TASOR: variants seen among roughly 807,000 people sequenced by gnomAD.
The protein encoded by TASOR is transcription activation suppressor, also known as protein TASOR.
TASOR carries 53 observed loss-of-function variants against 178.6 expected under a neutral mutation model. The ratio of observed to expected loss-of-function variants is 0.30; its 90% CI spans 0.24 to 0.37. The LOEUF is 0.37. Among genes scored for constraint, TASOR ranks in the 10% least tolerant of loss-of-function variants. The pLI, the probability that TASOR is intolerant of heterozygous loss-of-function variation, is 1.00. For missense variants in TASOR, 1,815 were observed against 1,971.4 expected, an observed-to-expected ratio of 0.92 and a Z score of 1.50; for synonymous variants, 713 against 696.2, an observed-to-expected ratio of 1.02 and a Z score of -0.38.
chr3:56,640,268 C>T (rs978393410), intron 15 of TASOR, 138 bp from the exon 16 acceptor site: 9 of 706,230 alleles, frequency 1.3e-5, no homozygotes, highest in Non-Finnish European at 2.1e-5. Context: ...TAAAGTTATA[C>T]TCTAGTTTCA....
chr3:56,623,595 C>G, intron 23 of TASOR, 29 bp from the exon 24 acceptor site: 1 of 1,550,136 alleles, frequency 6.5e-7, no homozygotes, highest in Non-Finnish European at 8.6e-7. Context: ...AAGTCCTCCT[C>G]TATTGAAATA....
intron 5 of TASOR, 57 bp from the exon 6 acceptor site, chr3:56,668,615 C>T: frequency 8.4e-7 from 1 of 1,185,466 alleles, no homozygotes; most frequent in Non-Finnish European, 1.2e-6. Context: ...GACTATATAA[C>T]ATTAATATTA....
chr3:56,675,157 A>T, intron 1 of TASOR, among the ~76,000 whole-genome samples: 1 of 144,898 alleles, frequency 6.9e-6, no homozygotes, highest in African/African-American at 2.6e-5. Context: ...CACATCCCCA[A>T]CCATTCTACA....
chr3:56,628,864 C>T, intron 18 of TASOR: 1 of 257,664 alleles, frequency 3.9e-6, no homozygotes, highest in Non-Finnish European at 7.3e-6. Context: ...AGGCTCAAGC[C>T]ACCCTCCCAC....
chr3:56,668,489 A>C lies in TASOR; in HGVS notation c.805T>G (p.Leu269Val). 6.4e-7 allele frequency: 1 copy of C among 1,551,646 alleles called. No individual in the cohort carries two copies. The highest frequency in any genetic ancestry group is 8.7e-7 in the Non-Finnish European group (1 of 1,146,928). ...CATTCATGCTTTGGTGTGGGGTCCA[A>C]AGCACTCTTATTTAACATAGATTCC... ...SLESMLNKSALDPTPKHECHV... is the reference protein window; with the variant it reads ...SLESMLNKSAVDPTPKHECHV... Residue 269 changes from leucine to valine, a missense_variant, in exon 6 of 24, where the codon TTG (leucine) becomes GTG (valine). Around this residue, in one of 5 missense-constraint regions of TASOR, gnomAD observed 504 missense variants for 645.3 expected, o/e 0.78. Coordinates refer to ENST00000683822, the MANE Select transcript of TASOR (RefSeq NM_001365635.2).
At chr3:56,678,837 C>G (rs1332596624) in intron 1 of TASOR, among the ~76,000 whole-genome samples, 1 of 151,666 alleles carries the variant, frequency 6.6e-6, no homozygotes, top group Non-Finnish European at 1.5e-5. Context: ...ATGGCAAAAT[C>G]CCACCTCTAA....
At chr3:56,676,772 TAA>T (rs1185427882) in intron 1 of TASOR, among the ~76,000 whole-genome samples, 1 of 152,190 alleles carries the variant, frequency 6.6e-6, no homozygotes, top group Non-Finnish European at 1.5e-5. Context: ...TGAATCTGCA[TAA>T]AAGTTCACAT....
chr3:56,638,669 G>A (rs762668994), intron 17 of TASOR, 37 bp downstream of exon 17: 72 of 1,609,332 alleles, frequency 4.5e-5, no homozygotes, highest in Non-Finnish European at 6.0e-5. Flanking sequence ...TCTGAAGAAG[G>A]GCACACTGGG....
intron 11 of TASOR, among the ~76,000 whole-genome samples, chr3:56,657,222 G>A (rs992016486): frequency 3.3e-5 from 5 of 151,450 alleles, no homozygotes; most frequent in Non-Finnish European, 5.9e-5. Context: ...CAGCTACTCC[G>A]GAGACTGAGG....
intron 19 of TASOR, among the ~76,000 whole-genome samples, chr3:56,628,076 A>G (rs1432034947): frequency 6.6e-6 from 1 of 152,222 alleles, no homozygotes; most frequent in Non-Finnish European, 1.5e-5. Context: ...ACAGTCAATC[A>G]GGAAAGACGT....
chr3:56,646,760 T>A lies in TASOR; in HGVS notation c.1977A>T (p.Arg659Ser). 6.2e-7 allele frequency: 1 copy of A among 1,613,922 alleles called. No homozygotes were observed. The highest frequency in any genetic ancestry group is 8.5e-7 in the Non-Finnish European group (1 of 1,179,930). The change falls in exon 14 of 24, where the codon AGA becomes AGT. Residue 659 changes from arginine to serine, a missense_variant. Coordinates refer to ENST00000683822, the MANE Select transcript of TASOR (RefSeq NM_001365635.2). ...GCTTTCCAGATATAATGGCTTCACC[T>A]CTTGAGTTATTTCGTTTTCCAAATT... is the stretch of plus-strand genomic sequence containing the variant. Reference protein sequence around the residue: ...KMKFGKRNNSRGEAIISGKQR... With the variant: ...KMKFGKRNNSSGEAIISGKQR...
intron 11 of TASOR, among the ~76,000 whole-genome samples, chr3:56,660,153 C>A (rs62251192): frequency 2.0e-5 from 3 of 151,856 alleles, no homozygotes; most frequent in African/African-American, 4.8e-5. Context: ...GAGCCACCAA[C>A]GCCCGGCCTG....
At position 56,633,903 on chromosome 3, in the gene TASOR, G is replaced by A; in HGVS notation, c.2888C>T (p.Pro963Leu). 6.3e-7 allele frequency: 1 copy of A among 1,575,970 alleles called. No individual in the cohort carries two copies. The highest frequency in any genetic ancestry group is 8.6e-7 in the Non-Finnish European group (1 of 1,159,968). The stretch of plus-strand genomic sequence containing the variant: ...ACTTCTCTGTCTATTTATTACCCGG[G>A]GGTCGTTAGGAAAGGCCTCCTGTGG... The part of the protein sequence containing the change: ...VPPQEAFPND[P>L]RVINRQRSSD... Residue 963 changes from proline to leucine, a missense_variant, in exon 18 of 24, where the codon CCC (proline) becomes CTC (leucine). Transcript: ENST00000683822.
Position 56,627,744 on chromosome 3 carries a change from GT to G in TASOR, c.3871-4del. The G allele has an allele frequency of 6.2e-7, 1 of 1,610,240 alleles. No homozygotes were observed. Among genetic ancestry groups the G allele is most frequent in the South Asian group, 1.1e-5 (1 of 90,030 alleles). ...TTTAAAGTCACCAAGCCAGGTATCT[GT>G]TTAAATCCCAAAACAAAAAGAGAAA... On this transcript the variant is annotated splice_region_variant and splice_polypyrimidine_tract_variant and intron_variant, in intron 19 of 23. Transcript: ENST00000683822.
intron 18 of TASOR, among the ~76,000 whole-genome samples, chr3:56,630,758 T>C (rs573396300): frequency 9.9e-5 from 15 of 152,134 alleles, no homozygotes; most frequent in South Asian, 2.1e-4. Flanking sequence ...GGCAGGAGAA[T>C]TGCTTGACCC....
chr3:56,637,044 C>A (rs1203084816), intron 17 of TASOR, among the ~76,000 whole-genome samples: 1 of 152,056 alleles, frequency 6.6e-6, no homozygotes, highest in Non-Finnish European at 1.5e-5. Context: ...CATGGACTCC[C>A]TGACACGATA....
In TASOR at chr3:56,665,729, T is replaced by C. The variant is rs180874437; in HGVS notation, c.1022+531A>G. On this transcript the variant is annotated intron_variant, in intron 7 of 23. Coordinates refer to ENST00000683822, the MANE Select transcript of TASOR (RefSeq NM_001365635.2). ...GCTGACGCCTGTAATCCCAGCACTT[T>C]GGGAGGTCGAGGCAGTAAGATCCCG... Among the ~76,000 whole-genome samples the C allele has an allele frequency of 2.5e-3, 376 of 151,966 alleles. 2 individuals are homozygous for C. The highest frequency in any genetic ancestry group is 8.6e-3 in the African/African-American group (355 of 41,516).
intron 11 of TASOR, among the ~76,000 whole-genome samples, chr3:56,660,109 C>T (rs2077560265): frequency 6.6e-6 from 1 of 151,996 alleles, no homozygotes; most frequent in African/African-American, 2.4e-5. Context: ...GATCTGCCTG[C>T]CTTGGCCTCC....
chr3:56,678,524 T>C (rs754156286), intron 1 of TASOR, among the ~76,000 whole-genome samples: 9 of 152,216 alleles, frequency 5.9e-5, no homozygotes, highest in East Asian at 1.9e-4. Flanking sequence ...GCAGTGGGCA[T>C]TGATATATAA....
Sources: gnomAD v4.1 joint callset for allele counts (sites outside exome capture counted in the v4.1 genomes callset) on GRCh38, gnomAD v4.1.1 for gene constraint, gnomAD v4.1.1 regional missense constraint, MANE v1.5 for transcripts, NCBI Gene and HGNC (gene_info 2026-07-23, HGNC 2026-07-21) for gene names.